CDK17: variants seen among roughly 807,000 people sequenced by gnomAD.
CDK17 encodes cyclin-dependent kinase 17.
In CDK17, 24 loss-of-function variants were observed where a neutral mutation model predicts 77.6. The observed-to-expected ratio is 0.31, with a 90% CI of 0.22 to 0.44. The LOEUF (loss-of-function observed/expected upper bound fraction) is 0.44, where lower values mean the gene tolerates loss of function less well. CDK17 is among the 20% of genes least tolerant of loss of function. CDK17 has a pLI of 1.00. For missense variants in CDK17, 429 were observed against 622.5 expected, an observed-to-expected ratio of 0.69 and a Z score of 3.31; for synonymous variants, 203 against 210.4, an observed-to-expected ratio of 0.96 and a Z score of 0.30.
chr12:96,340,165 C>A (rs1953103250), intron 1 of CDK17, among the ~76,000 whole-genome samples: 1 of 151,876 alleles, frequency 6.6e-6, no homozygotes. Flanking sequence ...AATAGAATCA[C>A]ATAAACCTTA....
intron 1 of CDK17, among the ~76,000 whole-genome samples, chr12:96,349,749 C>T (rs747341165): frequency 4.4e-4 from 67 of 151,948 alleles, no homozygotes; most frequent in Admixed American, 4.6e-4. Context: ...TATTCAATAC[C>T]GTGCTGGAAG....
At chr12:96,333,179 G>C (rs1240541525) in intron 2 of CDK17, among the ~76,000 whole-genome samples, 1 of 151,722 alleles carries the variant, frequency 6.6e-6, no homozygotes, top group African/African-American at 2.4e-5. Flanking sequence ...TCAATGAGGG[G>C]GTCTAAAAGA....
chr12:96,352,168 A>C (rs1953321584), intron 1 of CDK17, among the ~76,000 whole-genome samples: 1 of 152,270 alleles, frequency 6.6e-6, no homozygotes, highest in East Asian at 1.9e-4. Context: ...TTCACAAAGC[A>C]AATCTGCACT....
intron 4 of CDK17, 24 bp from the exon 5 acceptor site, chr12:96,311,201 C>A (rs3759366): frequency 0.21 from 313,138 of 1,501,820 alleles, 34,120 homozygotes; most frequent in South Asian, 0.29. Context: ...AAAGGTAATC[C>A]AAAATAGTAA....
intron 1 of CDK17, among the ~76,000 whole-genome samples, chr12:96,345,447 G>C (rs945061610): frequency 6.6e-6 from 1 of 152,188 alleles, no homozygotes; most frequent in Non-Finnish European, 1.5e-5. Flanking sequence ...CCCACCAACA[G>C]TGTAAAAGCA....
Position 96,281,264 on chromosome 12 carries a change from C to G in CDK17, c.1457-379G>C, listed in dbSNP as rs1054710889. On this transcript the variant is annotated intron_variant, in intron 15 of 16. Transcript: ENST00000261211. ...TCTCCTTACAATGACATGAAGGTAC[C>G]AGGCCCTCAAGCTATCTTTGGAATT... Among the ~76,000 whole-genome samples, 3 of 152,324 alleles carry G rather than the reference C, an allele frequency of 2.0e-5. No individual in the cohort carries two copies. The East Asian group carries it at 5.8e-4, about 29-fold the overall frequency.
At chr12:96,312,135 C>T (rs1467363401) in intron 4 of CDK17, among the ~76,000 whole-genome samples, 7 of 151,886 alleles carry the variant, frequency 4.6e-5, no homozygotes, top group Non-Finnish European at 5.9e-5. Context: ...AAAAATTAGC[C>T]GGGCATGGTG....
chr12:96,297,368 AT>A, intron 8 of CDK17, 36 bp from the exon 9 acceptor site: 5 of 1,374,780 alleles, frequency 3.6e-6, no homozygotes, highest in Non-Finnish European at 4.1e-6. Flanking sequence ...GTGATACACC[AT>A]TTTCAGAATG....
intron 2 of CDK17, among the ~76,000 whole-genome samples, chr12:96,326,014 A>ATT (rs1952887965): frequency 6.6e-6 from 1 of 152,170 alleles, no homozygotes; most frequent in Non-Finnish European, 1.5e-5. Context: ...GCAAAGTAAT[A>ATT]CCCTGTCTCA....
intron 1 of CDK17, among the ~76,000 whole-genome samples, chr12:96,375,458 G>A (rs1056037144): frequency 4.0e-5 from 6 of 148,690 alleles, no homozygotes; most frequent in Admixed American, 1.3e-4. Flanking sequence ...CTCATTCTGG[G>A]TGGACAACAT....
At chr12:96,343,518 C>A (rs1393153057) in intron 1 of CDK17, among the ~76,000 whole-genome samples, 1 of 152,184 alleles carries the variant, frequency 6.6e-6, no homozygotes, top group Non-Finnish European at 1.5e-5. Flanking sequence ...TCTGGGGCTA[C>A]CGGGCAGGGG....
chr12:96,311,534 T>A (rs1349569933), intron 4 of CDK17, among the ~76,000 whole-genome samples: 5 of 115,268 alleles, frequency 4.3e-5, no homozygotes, highest in African/African-American at 1.7e-4. Flanking sequence ...GTAGACATTA[T>A]ATGATCTTGT....
At chr12:96,295,864 C>T (rs1021725424) in intron 9 of CDK17, among the ~76,000 whole-genome samples, 4 of 152,060 alleles carry the variant, frequency 2.6e-5, no homozygotes, top group East Asian at 1.9e-4. Context: ...AAGAGGGTTA[C>T]GGAACACATA....
intron 9 of CDK17, among the ~76,000 whole-genome samples, chr12:96,296,193 A>G (rs1204598593): frequency 6.6e-6 from 1 of 152,248 alleles, no homozygotes; most frequent in African/African-American, 2.4e-5. Flanking sequence ...GGCATTAAAG[A>G]AATAAACGTC....
At chr12:96,388,021 G>C (rs1954004817) in intron 1 of CDK17, among the ~76,000 whole-genome samples, 1 of 151,928 alleles carries the variant, frequency 6.6e-6, no homozygotes, top group Non-Finnish European at 1.5e-5. Context: ...TGTAACCCTA[G>C]CAGTTTGGGA....
Position 96,297,639 on chromosome 12 carries a change from C to G in CDK17, c.798G>C (p.Val266=), listed in dbSNP as rs1213582192. ...IVHTDKSLTL[V]FEYLDKDLKQ... is the part of the protein sequence containing the mutation. ...ATGAGATGCTTACCAGATACTCAAA[C>G]ACCAAAGTCAAGGATTTATCTGTGT... The change falls in exon 8 of 17, where the codon GTG becomes GTC. Residue 266 remains valine (V), a synonymous_variant. Transcript: ENST00000261211. 1 of 1,588,658 alleles carries G rather than the reference C, an allele frequency of 6.3e-7. No homozygotes were observed. Among genetic ancestry groups the G allele is most frequent in the Non-Finnish European group, 8.6e-7 (1 of 1,160,036 alleles).
intron 10 of CDK17, among the ~76,000 whole-genome samples, chr12:96,294,502 G>C (rs1952373035): frequency 7.2e-6 from 1 of 137,992 alleles, no homozygotes; most frequent in Non-Finnish European, 1.5e-5. Flanking sequence ...AGAGTCACTT[G>C]AACCTGGGAG....
intron 5 of CDK17, among the ~76,000 whole-genome samples, chr12:96,307,540 C>CT (rs1445859445): frequency 6.6e-6 from 1 of 152,144 alleles, no homozygotes; most frequent in African/African-American, 2.4e-5. Flanking sequence ...CCGAAGAAAA[C>CT]TTTTGACTTG....
chr12:96,313,219 T>A, intron 4 of CDK17, 102 bp downstream of exon 4: 1 of 851,900 alleles, frequency 1.2e-6, no homozygotes. Context: ...CGTGTCTTCA[T>A]GAAAATTTTT....
Sources: gnomAD v4.1 joint callset for allele counts (sites outside exome capture counted in the v4.1 genomes callset) on GRCh38, gnomAD v4.1.1 for gene constraint, MANE v1.5 for transcripts, NCBI Gene and HGNC (gene_info 2026-07-23, HGNC 2026-07-21) for gene names.